The following KCNQ3 variants were observed in gnomAD, a reference collection of about 807,000 sequenced individuals.
KCNQ3 encodes the protein potassium voltage-gated channel subfamily KQT member 3.
KCNQ3 carries 30 observed loss-of-function variants against 92.5 expected under a neutral mutation model. The observed-to-expected ratio is 0.32, with a 90% CI of 0.24 to 0.44. The LOEUF (loss-of-function observed/expected upper bound fraction) is 0.44. KCNQ3 is among the 20% of genes least tolerant of loss of function. KCNQ3 has a pLI of 1.00. For synonymous variants in KCNQ3, 450 were observed against 468.8 expected (o/e 0.96, Z 0.52); for missense variants, 913 against 1,140.3 (o/e 0.80, Z 2.87).
At chr8:132,153,169 TAAA>T (rs1825690233) in intron 9 of KCNQ3, among the ~76,000 whole-genome samples, 1 of 152,180 alleles carries the variant, frequency 6.6e-6, no homozygotes, top group Non-Finnish European at 1.5e-5. Context: ...ATGGGTAATG[TAAA>T]AATCTGGATC....
chr8:132,259,611 T>C (rs936756590), intron 1 of KCNQ3, among the ~76,000 whole-genome samples: 1 of 152,158 alleles, frequency 6.6e-6, no homozygotes, highest in Non-Finnish European at 1.5e-5. Flanking sequence ...GGATGTCTGC[T>C]CTCACATTTC....
At position 132,129,803 on chromosome 8, in the gene KCNQ3, G is replaced by A. The variant is rs755177673; in HGVS notation, c.2078C>T (p.Pro693Leu). Residue 693 changes from proline (P) to leucine (L), a missense_variant, in exon 15 of 15, where the codon CCG becomes CTG. Transcript: ENST00000388996. This position sits in a 1 kb window ranked among gnomAD's most constrained non-coding sequence, Gnocchi z 5.9. ...IICNYSETGPPEPPYSFHQVT... is the reference protein window; with the variant it reads ...IICNYSETGPLEPPYSFHQVT... ...CTGGTGGAAGCTGTAGGGTGGTTCCGGGGGGCCTGTCTCAGAATAGTTGCA... is the reference window on the plus strand; with the variant it reads ...CTGGTGGAAGCTGTAGGGTGGTTCCAGGGGGCCTGTCTCAGAATAGTTGCA... The A allele has an allele frequency of 1.2e-5, 19 of 1,614,146 alleles. No individual in the cohort carries two copies. The highest frequency in any genetic ancestry group is 3.3e-5 in the South Asian group (3 of 91,090).
intron 1 of KCNQ3, among the ~76,000 whole-genome samples, chr8:132,280,888 A>G (rs1816493794): frequency 6.6e-6 from 1 of 152,328 alleles, no homozygotes; most frequent in South Asian, 2.1e-4. Flanking sequence ...AGAGAGCTAC[A>G]CTGGGGCTTG....
chr8:132,297,923 T>A (rs1817095740), intron 1 of KCNQ3, among the ~76,000 whole-genome samples: 1 of 152,270 alleles, frequency 6.6e-6, no homozygotes, highest in Non-Finnish European at 1.5e-5. Context: ...TACAAGCAAC[T>A]CATTATCTTG....
chr8:132,215,381 C>G (rs1813995311), intron 1 of KCNQ3, among the ~76,000 whole-genome samples: 1 of 152,186 alleles, frequency 6.6e-6, no homozygotes, highest in Non-Finnish European at 1.5e-5. Flanking sequence ...CTGCAGTTAA[C>G]CACAGGGACA....
At chr8:132,241,732 G>A (rs1018101436) in intron 1 of KCNQ3, among the ~76,000 whole-genome samples, 10 of 152,150 alleles carry the variant, frequency 6.6e-5, no homozygotes, top group African/African-American at 2.2e-4. Flanking sequence ...TACTCAGGAG[G>A]CTGAGGCAGG....
chr8:132,395,334 A>G (rs758762373), intron 1 of KCNQ3, among the ~76,000 whole-genome samples: 2 of 152,180 alleles, frequency 1.3e-5, no homozygotes, highest in Admixed American at 6.5e-5. Context: ...GTCATCCTAC[A>G]GGAGTATAGA....
chr8:132,207,497 T>C (rs1813699930), intron 1 of KCNQ3, among the ~76,000 whole-genome samples: 1 of 152,102 alleles, frequency 6.6e-6, no homozygotes, highest in South Asian at 2.1e-4. Flanking sequence ...CAAAATTACC[T>C]CAAGTAGGCA....
intron 7 of KCNQ3, among the ~76,000 whole-genome samples, chr8:132,170,652 G>C (rs1285096686): frequency 1.3e-5 from 2 of 152,120 alleles, no homozygotes; most frequent in African/African-American, 2.4e-5. Flanking sequence ...TGGTGAGTGG[G>C]GGAATGGAGA....
chr8:132,335,282 G>A (rs1303170985), intron 1 of KCNQ3, among the ~76,000 whole-genome samples: 3 of 152,040 alleles, frequency 2.0e-5, no homozygotes, highest in African/African-American at 2.4e-5. Flanking sequence ...ATCATGATCC[G>A]CCTGCCTCAG....
At chr8:132,302,531 T>C (rs1018998999) in intron 1 of KCNQ3, among the ~76,000 whole-genome samples, 1 of 152,210 alleles carries the variant, frequency 6.6e-6, no homozygotes, top group Admixed American at 6.5e-5. Context: ...TCTGGACTTA[T>C]TTCCAAGGGC....
chr8:132,123,104 T>C lies in KCNQ3; in HGVS notation c.*6158A>G, dbSNP rs1824540355. On this transcript the variant is annotated 3_prime_UTR_variant, in exon 15 of 15. Coordinates refer to ENST00000388996, the MANE Select transcript of KCNQ3 (RefSeq NM_004519.4). Reference sequence around the variant, plus strand: ...TGGGTCATATAGATCCCAAAAGAAATCATGCCTGACTTCCTAAAATCAAAA... The same window carrying C: ...TGGGTCATATAGATCCCAAAAGAAACCATGCCTGACTTCCTAAAATCAAAA... The C allele has an allele frequency of 6.6e-6, 1 of 152,138 alleles. No homozygotes were observed. The allele number at this position is 152,138 out of a possible 1,614,324, so 9.4% of individuals were successfully genotyped here.
intron 1 of KCNQ3, among the ~76,000 whole-genome samples, chr8:132,381,923 G>A (rs1402295192): frequency 6.6e-6 from 1 of 152,188 alleles, no homozygotes; most frequent in Non-Finnish European, 1.5e-5. Flanking sequence ...TGAACATGTG[G>A]GTAGACCCCT....
intron 1 of KCNQ3, among the ~76,000 whole-genome samples, chr8:132,296,152 G>A (rs1430325807): frequency 1.3e-5 from 2 of 152,204 alleles, no homozygotes; most frequent in Non-Finnish European, 2.9e-5. Context: ...AATGCCACAT[G>A]TGGCCATTGC....
At chr8:132,226,530 T>C (rs1053727924) in intron 1 of KCNQ3, among the ~76,000 whole-genome samples, 3 of 152,156 alleles carry the variant, frequency 2.0e-5, no homozygotes, top group African/African-American at 4.8e-5. Flanking sequence ...ATTATAATAA[T>C]TTCCAAGAAA....
rs867424789 is a variant in KCNQ3, at chr8:132,129,142, C to T, written c.*120G>A. 122 of 1,244,470 alleles carry T rather than the reference C, an allele frequency of 9.8e-5. 1 individual carries two copies. Among genetic ancestry groups the T allele is most frequent in the Non-Finnish European group, 1.3e-4 (114 of 881,560 alleles). The allele number at this position is 1,244,470 out of a possible 1,614,324, so 77.1% of individuals were successfully genotyped here. On this transcript the variant is annotated 3_prime_UTR_variant, in exon 15 of 15. Coordinates refer to ENST00000388996, the MANE Select transcript of KCNQ3 (RefSeq NM_004519.4). The surrounding 1 kb of genome is among the most constrained non-coding windows in gnomAD (Gnocchi z 5.9). ...AGCCCCTGCCTGGGTGGGGCCACCA[C>T]GCACACGCATGCATTTGATGCAGCC...
intron 3 of KCNQ3, among the ~76,000 whole-genome samples, chr8:132,182,513 G>A (rs566361479): frequency 3.9e-5 from 6 of 152,228 alleles, no homozygotes; most frequent in Non-Finnish European, 7.3e-5. Context: ...AGGGTGGAGG[G>A]GGACCTGGAG....
At chr8:132,449,687 C>G (rs1232937493) in intron 1 of KCNQ3, among the ~76,000 whole-genome samples, 1 of 152,142 alleles carries the variant, frequency 6.6e-6, no homozygotes. Context: ...TGATCCCAAA[C>G]AATGAAGTGA....
chr8:132,325,694 GC>G (rs371681601), intron 1 of KCNQ3, among the ~76,000 whole-genome samples: 10 of 152,290 alleles, frequency 6.6e-5, no homozygotes, highest in African/African-American at 2.4e-4. Context: ...TGGACTTCTA[GC>G]CTTCAGAACT....
Sources: allele counts gnomAD v4.1 joint callset (sites outside exome capture counted in the v4.1 genomes callset), GRCh38; gene constraint gnomAD v4.1.1; non-coding constraint Gnocchi (gnomAD v3.1); transcripts MANE v1.5; gene names NCBI Gene and HGNC (gene_info 2026-07-23, HGNC 2026-07-21).